The following ZNF35 variants were observed in gnomAD, a reference collection of about 807,000 sequenced individuals.
The protein encoded by ZNF35 is zinc finger protein 35 (clone HF.10).
ZNF35 carries 31 observed loss-of-function variants against 45.9 expected under a neutral mutation model. The observed-to-expected ratio is 0.68, with a 90% CI of 0.51 to 0.91. The LOEUF (loss-of-function observed/expected upper bound fraction) is 0.91, where lower values mean the gene tolerates loss of function less well. Ranked by LOEUF, ZNF35 falls within the 40% of genes least tolerant of loss-of-function variation. ZNF35 has a pLI of 0.00. For synonymous variants in ZNF35, 205 were observed against 220.2 expected (o/e 0.93, Z 0.61); for missense variants, 515 against 625.4 (o/e 0.82, Z 1.88).
At chr3:44,658,384 C>T (rs1469100612) in intron 3 of ZNF35, among the ~76,000 whole-genome samples, 2 of 152,174 alleles carry the variant, frequency 1.3e-5, no homozygotes, top group African/African-American at 2.4e-5. Flanking sequence ...AGTCATCATA[C>T]AGCCAGCAGG....
Position 44,660,091 on chromosome 3 carries a change from C to A in ZNF35, c.*144C>A, listed in dbSNP as rs904693587. On this transcript the variant is annotated 3_prime_UTR_variant, in exon 4 of 4. Transcript: ENST00000396056. Reference sequence around the variant, plus strand: ...TAGTTTTCAGGAATGCAGCAGAAGACACAAGAAAAGCATTTCAGAGGCTAA... The same window carrying A: ...TAGTTTTCAGGAATGCAGCAGAAGAAACAAGAAAAGCATTTCAGAGGCTAA... The A allele has an allele frequency of 4.2e-5, 37 of 878,112 alleles. No homozygotes were observed. Among genetic ancestry groups the A allele is most frequent in the Middle Eastern group, 3.5e-4 (1 of 2,870 alleles). The allele number at this position is 878,112 out of a possible 1,614,324, so 54.4% of individuals were successfully genotyped here.
Position 44,651,212 on chromosome 3 carries a change from G to C in ZNF35, c.145G>C (p.Val49Leu). 6.2e-7 allele frequency: 1 copy of C among 1,614,132 alleles called. No homozygotes were observed. Among genetic ancestry groups the C allele is most frequent in the Non-Finnish European group, 8.5e-7 (1 of 1,180,016 alleles). ...CGAGAACATCAAAGTCTGGGCCCCA[G>C]TGCAGGGTCTTCAGACAGGCCTTGA... ...HSENIKVWAP[V>L]QGLQTGLDGS... The change falls in exon 2 of 4, where the codon GTG becomes CTG. Residue 49 changes from valine (V) to leucine (L), a missense_variant. Physicochemically the swap from Val to Leu is conservative, Grantham distance 32. Around this residue, in one of 3 missense-constraint regions of ZNF35, gnomAD observed 275 missense variants for 295.7 expected, o/e 0.93. Coordinates refer to ENST00000396056, the MANE Select transcript of ZNF35 (RefSeq NM_003420.4).
chr3:44,650,242 AAAT>A (rs1575512760), intron 1 of ZNF35, among the ~76,000 whole-genome samples: 1 of 152,178 alleles, frequency 6.6e-6, no homozygotes, highest in East Asian at 1.9e-4. Context: ...ATCTTTTTTT[AAAT>A]CTTAAGTGTA....
upstream of ZNF35, chr3:44,646,926 A>G (rs1702988388): frequency 6.1e-6 from 1 of 163,442 alleles, no homozygotes; most frequent in African/African-American, 2.4e-5. Flanking sequence ...AGGACCTAGG[A>G]CTGAGCTAAG....
chr3:44,648,938 CA>C (rs1340621424), intron 1 of ZNF35, 104 bp downstream of exon 1: 1 of 152,320 alleles, frequency 6.6e-6, no homozygotes, highest in East Asian at 1.9e-4. Flanking sequence ...TCCCCGGGGA[CA>C]CCAGCCTTGT....
rs1351007697 is a variant in ZNF35 at position 44,655,562 on chromosome 3, TG to T, written c.337+2862del. 5.3e-5 allele frequency among the ~76,000 whole-genome samples: 8 copies of T among 152,332 alleles called. No homozygotes were observed. In the East Asian group the frequency reaches 1.5e-3, roughly 29 times the overall value. ...TCTCTAGAGCTACAGTAATCCTACATGTTTTTTAAAAAAAGGAAAAATACCA... is the reference window on the plus strand; with the variant it reads ...TCTCTAGAGCTACAGTAATCCTACATTTTTTTAAAAAAAGGAAAAATACCA... On this transcript the variant is annotated intron_variant, in intron 3 of 3. Coordinates refer to ENST00000396056, the MANE Select transcript of ZNF35 (RefSeq NM_003420.4).
intron 2 of ZNF35, among the ~76,000 whole-genome samples, chr3:44,651,921 A>G (rs989097967): frequency 4.6e-5 from 7 of 152,132 alleles, no homozygotes; most frequent in African/African-American, 1.4e-4. Flanking sequence ...GGTTTTGACA[A>G]TGCTAACCAG....
intron 2 of ZNF35, 89 bp downstream of exon 2, chr3:44,651,348 C>A: frequency 7.9e-7 from 1 of 1,266,198 alleles, no homozygotes. Flanking sequence ...GCTTCCACAC[C>A]TGGAGTCTTA....
chr3:44,647,041 A>C (rs1364077083), upstream of ZNF35: 1 of 152,296 alleles, frequency 6.6e-6, no homozygotes, highest in African/African-American at 2.4e-5. Flanking sequence ...CTTTTTACAA[A>C]GATGATATTA....
chr3:44,652,944 C>A (rs1255938512), intron 3 of ZNF35, among the ~76,000 whole-genome samples: 2 of 152,044 alleles, frequency 1.3e-5, no homozygotes, highest in Non-Finnish European at 2.9e-5. Context: ...TGATCAACAC[C>A]AATATGGTAC....
intron 3 of ZNF35, 53 bp from the exon 4 acceptor site, chr3:44,658,648 C>G: frequency 6.6e-7 from 1 of 1,517,608 alleles, no homozygotes; most frequent in South Asian, 1.4e-5. Flanking sequence ...TGATCCTATT[C>G]TTTTTCTAGG....
chr3:44,652,502 C>G (rs1703221876), intron 2 of ZNF35, 55 bp from the exon 3 acceptor site: 1 of 1,411,064 alleles, frequency 7.1e-7, no homozygotes, highest in South Asian at 1.7e-5. Flanking sequence ...AAAATTGTAA[C>G]CACACTACCC....
At chr3:44,649,488 T>C (rs1157260018) in intron 1 of ZNF35, among the ~76,000 whole-genome samples, 1 of 152,198 alleles carries the variant, frequency 6.6e-6, no homozygotes, top group Non-Finnish European at 1.5e-5. Context: ...CAAAGGGGGT[T>C]AGAAAGAAAA....
intron 3 of ZNF35, 77 bp downstream of exon 3, chr3:44,652,778 G>C (rs1703227858): frequency 7.0e-7 from 1 of 1,424,082 alleles, no homozygotes; most frequent in Admixed American, 2.5e-5. Flanking sequence ...TGGGCATCCA[G>C]TCTCCTAGGT....
chr3:44,654,899 G>A (rs772620535), intron 3 of ZNF35, among the ~76,000 whole-genome samples: 6 of 152,212 alleles, frequency 3.9e-5, no homozygotes, highest in East Asian at 3.9e-4. Context: ...TTTGGGAGGC[G>A]GAGGCGGGTG....
chr3:44,655,689 T>C (rs1214707883), intron 3 of ZNF35, among the ~76,000 whole-genome samples: 2 of 152,244 alleles, frequency 1.3e-5, no homozygotes, highest in African/African-American at 4.8e-5. Flanking sequence ...CTAATTCTCT[T>C]TTCTTAGGCA....
chr3:44,651,213 T>A lies in ZNF35; in HGVS notation c.146T>A (p.Val49Glu). ...GAGAACATCAAAGTCTGGGCCCCAG[T>A]GCAGGGTCTTCAGACAGGCCTTGAT... ...HSENIKVWAP[V>E]QGLQTGLDGS... The change falls in exon 2 of 4, where the codon GTG becomes GAG. Residue 49 changes from valine (V) to glutamate (E), a missense_variant. This residue lies in a region of ZNF35 where 275 missense variants were observed against 295.7 expected (regional missense o/e 0.93). Transcript: ENST00000396056. 2 of 1,613,290 alleles carry A rather than the reference T, an allele frequency of 1.2e-6. No individual in the cohort carries two copies. The highest frequency in any genetic ancestry group is 2.2e-5 in the South Asian group (2 of 90,946).
At chr3:44,654,574 AATT>A (rs1703263197) in intron 3 of ZNF35, among the ~76,000 whole-genome samples, 2 of 152,224 alleles carry the variant, frequency 1.3e-5, no homozygotes, top group Non-Finnish European at 2.9e-5. Flanking sequence ...TTCATGATGA[AATT>A]GTATAATATA....
upstream of ZNF35, chr3:44,646,596 A>T: frequency 1.2e-6 from 1 of 866,852 alleles, no homozygotes; most frequent in Non-Finnish European, 2.0e-6. Flanking sequence ...GGATTCTTCA[A>T]AATATTATTA....
Sources: gnomAD v4.1 joint callset for allele counts (sites outside exome capture counted in the v4.1 genomes callset) on GRCh38, gnomAD v4.1.1 for gene constraint, gnomAD v4.1.1 regional missense constraint, MANE v1.5 for transcripts, NCBI Gene and HGNC (gene_info 2026-07-23, HGNC 2026-07-21) for gene names.